Variants in RASGRF1 observed in about 807,000 individuals in gnomAD.
RASGRF1 encodes the protein Ras protein specific guanine nucleotide releasing factor 1, also known as ras-specific guanine nucleotide-releasing factor 1.
Under a neutral mutation model 138.7 loss-of-function variants are expected in RASGRF1, and 40 were observed. That is an observed-to-expected ratio of 0.29 (90% confidence interval 0.22 to 0.38). The LOEUF (loss-of-function observed/expected upper bound fraction) is 0.38, where lower values mean the gene tolerates loss of function less well. Ranked by LOEUF, RASGRF1 falls within the 10% of genes least tolerant of loss-of-function variation. The pLI, the probability that RASGRF1 is intolerant of heterozygous loss-of-function variation, is 1.00. For missense variants in RASGRF1, 1,108 were observed against 1,650.4 expected, an observed-to-expected ratio of 0.67 and a Z score of 5.69; for synonymous variants, 614 against 663.2, an observed-to-expected ratio of 0.93 and a Z score of 1.14.
intron 26 of RASGRF1, among the ~76,000 whole-genome samples, chr15:78,970,013 GGCTATCA>G (rs2055719165): frequency 6.6e-6 from 1 of 152,126 alleles, no homozygotes; most frequent in African/African-American, 2.4e-5. Flanking sequence ...CCTTCGATAC[GGCTATCA>G]GCTATAAAGC....
At chr15:78,979,274 A>C in intron 24 of RASGRF1, 1 of 1,067,398 alleles carries the variant, frequency 9.4e-7, no homozygotes, top group Non-Finnish European at 1.2e-6. Context: ...GACAGACCAA[A>C]TGCGGCAGGA....
chr15:79,085,946 C>A (rs1177030763), intron 1 of RASGRF1, among the ~76,000 whole-genome samples: 2 of 152,194 alleles, frequency 1.3e-5, no homozygotes, highest in African/African-American at 4.8e-5. Flanking sequence ...ACACTGTCAC[C>A]AAGCATAGGC....
chr15:79,075,937 C>A (rs1409312913), intron 1 of RASGRF1, among the ~76,000 whole-genome samples: 1 of 152,230 alleles, frequency 6.6e-6, no homozygotes, highest in African/African-American at 2.4e-5. Flanking sequence ...ATTTCCCACA[C>A]CTTTTACTCT....
chr15:79,054,763 A>G (rs2141041519), intron 3 of RASGRF1, among the ~76,000 whole-genome samples: 2 of 152,362 alleles, frequency 1.3e-5, no homozygotes, highest in Middle Eastern at 3.4e-3. Context: ...TTACTGCAGC[A>G]TAATCTAGCC....
At chr15:78,971,071 T>C (rs2055748548) in intron 26 of RASGRF1, among the ~76,000 whole-genome samples, 1 of 152,104 alleles carries the variant, frequency 6.6e-6, no homozygotes, top group Non-Finnish European at 1.5e-5. Context: ...CACAAGCCTG[T>C]CTCTCTGCAA....
intron 26 of RASGRF1, among the ~76,000 whole-genome samples, chr15:78,965,563 G>A (rs2055627389): frequency 6.6e-6 from 1 of 152,130 alleles, no homozygotes; most frequent in African/African-American, 2.4e-5. Flanking sequence ...AGAATCTCAT[G>A]TGACCAGCCA....
intron 1 of RASGRF1, 114 bp downstream of exon 1, chr15:79,090,109 A>G: frequency 1.5e-6 from 2 of 1,352,772 alleles, no homozygotes; most frequent in South Asian, 1.5e-5. Context: ...GAGAGCGCCT[A>G]GGGCGCCAAG....
At chr15:78,972,297 T>C (rs1032805288) in intron 25 of RASGRF1, among the ~76,000 whole-genome samples, 3 of 152,088 alleles carry the variant, frequency 2.0e-5, no homozygotes, top group Non-Finnish European at 4.4e-5. Context: ...GGTTTCACCA[T>C]GTTGACCAGG....
Position 79,069,510 on chromosome 15 carries a change from A to G in RASGRF1, c.277-4984T>C, listed in dbSNP as rs192789110. 1.3e-3 allele frequency among the ~76,000 whole-genome samples: 200 copies of G among 152,334 alleles called. 1 individual carries two copies. The highest frequency in any genetic ancestry group is 2.5e-3 in the Non-Finnish European group (167 of 68,036). ...GCCCTGGGAGTGAGGAATATAAGTGATAGAATTTTCTCTGTGCCAACCAAT... is the reference window on the plus strand; with the variant it reads ...GCCCTGGGAGTGAGGAATATAAGTGGTAGAATTTTCTCTGTGCCAACCAAT... On this transcript the variant is annotated intron_variant, in intron 1 of 26. Transcript: ENST00000558480.
At chr15:79,058,300 T>C (rs1218706168) in intron 3 of RASGRF1, 34 bp downstream of exon 3, 6 of 1,601,630 alleles carry the variant, frequency 3.7e-6, no homozygotes, top group Non-Finnish European at 5.1e-6. Context: ...ATGTTGTGCC[T>C]AGGGCCTGGG....
At position 79,027,415 on chromosome 15, in the gene RASGRF1, G is replaced by A. The variant is rs570775912; in HGVS notation, c.1381+326C>T. Among the ~76,000 whole-genome samples, 2 of 152,070 alleles carry A rather than the reference G, an allele frequency of 1.3e-5. No homozygotes were observed. Among genetic ancestry groups the A allele is most frequent in the Admixed American group, 6.5e-5 (1 of 15,274 alleles). On this transcript the variant is annotated intron_variant, in intron 9 of 26. Transcript: ENST00000558480. The surrounding 1 kb of genome is among the most constrained non-coding windows in gnomAD (Gnocchi z 4.8). ...GACAACTGTTAGCTCCTCATCCCCCGCCCCATACTTTCTCCCCAAAAAGGA... is the reference window on the plus strand; with the variant it reads ...GACAACTGTTAGCTCCTCATCCCCCACCCCATACTTTCTCCCCAAAAAGGA...
chr15:78,988,504 C>T (rs2056206009), intron 22 of RASGRF1, among the ~76,000 whole-genome samples: 3 of 152,192 alleles, frequency 2.0e-5, no homozygotes, highest in Non-Finnish European at 2.9e-5. Flanking sequence ...CACTGGGTGC[C>T]CAGGCCTAGG....
At chr15:79,089,488 C>G (rs1286552930) in intron 1 of RASGRF1, among the ~76,000 whole-genome samples, 1 of 152,366 alleles carries the variant, frequency 6.6e-6, no homozygotes, top group East Asian at 1.9e-4. Context: ...GCGACTGCGG[C>G]GGCGGCGGCG....
intron 26 of RASGRF1, among the ~76,000 whole-genome samples, chr15:78,963,345 A>C (rs2055584145): frequency 6.6e-6 from 1 of 151,720 alleles, no homozygotes; most frequent in East Asian, 1.9e-4. Flanking sequence ...TCTGTCGCCC[A>C]GTCTGGAGTG....
At chr15:78,990,343 T>A (rs1567461860) in intron 21 of RASGRF1, 70 bp from the exon 22 acceptor site, 24 of 1,090,098 alleles carry the variant, frequency 2.2e-5, no homozygotes, top group Non-Finnish European at 3.0e-5. Flanking sequence ...TGCTCCATGC[T>A]TTTTATTTTA....
chr15:79,070,916 G>A (rs2057746648), intron 1 of RASGRF1, among the ~76,000 whole-genome samples: 1 of 152,184 alleles, frequency 6.6e-6, no homozygotes, highest in Non-Finnish European at 1.5e-5. Context: ...AAGTTGTTGA[G>A]GATCTGAATT....
chr15:78,966,814 A>G (rs1448507319), intron 26 of RASGRF1, among the ~76,000 whole-genome samples: 1 of 152,188 alleles, frequency 6.6e-6, no homozygotes, highest in Non-Finnish European at 1.5e-5. Context: ...AGCACTTGAA[A>G]CAGGGCTCAT....
At chr15:79,057,458 C>G (rs946057744) in intron 3 of RASGRF1, among the ~76,000 whole-genome samples, 2 of 152,228 alleles carry the variant, frequency 1.3e-5, no homozygotes, top group African/African-American at 4.8e-5. Context: ...AAATTAGATA[C>G]CCAGCTGACT....
chr15:78,978,684 C>A lies in RASGRF1; in HGVS notation c.3494+1936G>T, dbSNP rs1364026562. 2.9e-6 allele frequency: 3 copies of A among 1,024,468 alleles called. No individual in the cohort carries two copies. The Admixed American group carries it at 1.6e-4, about 54-fold the overall frequency. The allele number at this position is 1,024,468 out of a possible 1,614,324, so 63.5% of individuals were successfully genotyped here. On this transcript the variant is annotated intron_variant, in intron 24 of 26. Coordinates refer to ENST00000558480, the MANE Select transcript of RASGRF1 (RefSeq NM_001145648.3). ...TCGCTACTCTTGCCCCCGTCCCCTG[C>A]CTAGTGAAACAGACGCTCAGTATTC...
Sources: allele counts gnomAD v4.1 joint callset (sites outside exome capture counted in the v4.1 genomes callset), GRCh38; gene constraint gnomAD v4.1.1; non-coding constraint Gnocchi (gnomAD v3.1); transcripts MANE v1.5; gene names NCBI Gene and HGNC (gene_info 2026-07-23, HGNC 2026-07-21).